Variants in RB1CC1 observed in about 807,000 individuals in gnomAD.
RB1CC1 encodes the protein RB1-inducible coiled-coil protein 1.
Under a neutral mutation model 177.5 loss-of-function variants are expected in RB1CC1, and 46 were observed. The ratio of observed to expected loss-of-function variants is 0.26; its 90% CI spans 0.20 to 0.33. The LOEUF is 0.33. Among genes scored for constraint, RB1CC1 ranks in the 10% least tolerant of loss-of-function variants. The pLI, the probability that RB1CC1 is intolerant of heterozygous loss-of-function variation, is 1.00. For synonymous variants in RB1CC1, 666 were observed against 613.6 expected (o/e 1.09, Z -1.26); for missense variants, 1,703 against 1,816.3 (o/e 0.94, Z 1.13).
chr8:52,710,606 G>A (rs1856975773), intron 1 of RB1CC1, among the ~76,000 whole-genome samples: 1 of 151,970 alleles, frequency 6.6e-6, no homozygotes, highest in Admixed American at 6.6e-5. Context: ...TACACATTTT[G>A]GTGTCCCTAT....
chr8:52,699,825 AAAAAAATAT>A (rs1461850244), intron 1 of RB1CC1, among the ~76,000 whole-genome samples: 1 of 96,030 alleles, frequency 1.0e-5, no homozygotes, highest in Non-Finnish European at 2.2e-5. Flanking sequence ...AAAAAAAAAA[AAAAAAATAT>A]ATATATATAT....
chr8:52,670,127 C>G (rs905533400), intron 7 of RB1CC1, among the ~76,000 whole-genome samples: 2 of 152,066 alleles, frequency 1.3e-5, no homozygotes, highest in Non-Finnish European at 2.9e-5. Context: ...ACATGGGTAT[C>G]GCCCTGTTAC....
Position 52,661,666 on chromosome 8 carries a change from T to C in RB1CC1, c.1227A>G (p.Leu409=). ...TTGCGTGACTCAGGCATAAATCAGG[T>C]AATACAGATGCATCCTTTAAGTTTT... ...RAENLKDASV[L]PDLCLSHANQ... is the part of the protein sequence containing the mutation. The change falls in exon 9 of 24, where the codon TTA becomes TTG. Residue 409 remains leucine (L), a synonymous_variant. Transcript: ENST00000025008. 6.2e-7 allele frequency: 1 copy of C among 1,610,738 alleles called. No individual in the cohort carries two copies. Among genetic ancestry groups the C allele is most frequent in the Non-Finnish European group, 8.5e-7 (1 of 1,178,978 alleles).
At chr8:52,689,911 G>A (rs767210404) in intron 1 of RB1CC1, among the ~76,000 whole-genome samples, 15 of 151,848 alleles carry the variant, frequency 9.9e-5, no homozygotes, top group Non-Finnish European at 1.9e-4. Context: ...CAGCCTAGGC[G>A]ACAGAGCCAG....
intron 5 of RB1CC1, among the ~76,000 whole-genome samples, chr8:52,678,065 A>G (rs183268320): frequency 1.1e-4 from 16 of 152,206 alleles, no homozygotes; most frequent in Admixed American, 3.3e-4. Flanking sequence ...GTTTACTAGG[A>G]AAATAAATTT....
intron 22 of RB1CC1, among the ~76,000 whole-genome samples, chr8:52,625,773 G>A (rs1284752227): frequency 3.9e-5 from 6 of 152,244 alleles, no homozygotes; most frequent in South Asian, 2.1e-4. Context: ...TGTGGATACC[G>A]AAAGTAGGGT....
chr8:52,643,040 G>A (rs1849710782), intron 16 of RB1CC1: 1 of 368,304 alleles, frequency 2.7e-6, no homozygotes, highest in Non-Finnish European at 4.5e-6. Flanking sequence ...TCTTATTATT[G>A]TCCATATATT....
At chr8:52,691,578 T>C (rs1473191015) in intron 1 of RB1CC1, among the ~76,000 whole-genome samples, 2 of 152,228 alleles carry the variant, frequency 1.3e-5, no homozygotes, top group Non-Finnish European at 2.9e-5. Flanking sequence ...AACCTAAAAT[T>C]TGACTCCAGT....
At position 52,676,504 on chromosome 8, in the gene RB1CC1, T is replaced by G; in HGVS notation, c.437A>C (p.Gln146Pro). Residue 146 changes from glutamine to proline, a missense_variant, in exon 6 of 24, where the codon CAA becomes CCA. Physicochemically the swap from Gln to Pro is moderately conservative, Grantham distance 76. Around this residue, in one of 6 missense-constraint regions of RB1CC1, gnomAD observed 315 missense variants for 304.9 expected, o/e 1.03. Coordinates refer to ENST00000025008, the MANE Select transcript of RB1CC1 (RefSeq NM_014781.5). ...CEGLVHDEHLQHQGWAAIMAN... is the reference protein window; with the variant it reads ...CEGLVHDEHLPHQGWAAIMAN... ...CATGATTGCAGCCCAGCCTTGGTGTTGAAGATGTTCATCATGTACAAGACC... is the reference window on the plus strand; with the variant it reads ...CATGATTGCAGCCCAGCCTTGGTGTGGAAGATGTTCATCATGTACAAGACC... 1 of 1,613,708 alleles carries G rather than the reference T, an allele frequency of 6.2e-7. No individual in the cohort carries two copies. The highest frequency in any genetic ancestry group is 8.5e-7 in the Non-Finnish European group (1 of 1,179,864).
At chr8:52,691,794 C>T (rs767659574) in intron 1 of RB1CC1, among the ~76,000 whole-genome samples, 3 of 152,224 alleles carry the variant, frequency 2.0e-5, no homozygotes, top group Admixed American at 2.0e-4. Context: ...CACAAGGCAT[C>T]ATTTCCCATG....
intron 5 of RB1CC1, among the ~76,000 whole-genome samples, chr8:52,677,855 GAA>G (rs1272457239): frequency 8.5e-5 from 13 of 152,106 alleles, no homozygotes; most frequent in African/African-American, 3.1e-4. Context: ...TTAAACAGAT[GAA>G]AGAGAGGTGA....
Position 52,685,437 on chromosome 8 carries a change from TC to T in RB1CC1, c.32del (p.Gly11GlufsTer4). On this transcript the variant is annotated frameshift_variant, in exon 3 of 24. Transcript: ENST00000025008. LOFTEE classifies it high-confidence loss of function. The part of the protein sequence containing the change: MKLYVFLVNT[G>X]TTLTFDTELT... ...GTTCAGTGTCAAATGTTAGAGTAGTTCCAGTGTTAACCAGAAATACATATAA... is the reference window on the plus strand; with the variant it reads ...GTTCAGTGTCAAATGTTAGAGTAGTTCAGTGTTAACCAGAAATACATATAA... 6.2e-7 allele frequency: 1 copy of T among 1,600,836 alleles called. No homozygotes were observed. The highest frequency in any genetic ancestry group is 1.1e-5 in the South Asian group (1 of 89,938).
intron 16 of RB1CC1, among the ~76,000 whole-genome samples, chr8:52,643,646 A>T (rs1267899235): frequency 6.8e-6 from 1 of 147,198 alleles, no homozygotes; most frequent in Non-Finnish European, 1.5e-5. Flanking sequence ...CCATGATTGC[A>T]CCACTGAATT....
chr8:52,696,517 A>G (rs1259015381), intron 1 of RB1CC1, among the ~76,000 whole-genome samples: 3 of 152,198 alleles, frequency 2.0e-5, no homozygotes, highest in African/African-American at 7.2e-5. Flanking sequence ...AAAGGCTTCT[A>G]CTGGCTATGA....
At chr8:52,673,687 A>C (rs1022689159) in intron 7 of RB1CC1, among the ~76,000 whole-genome samples, 158 bp downstream of exon 7, 1 of 152,228 alleles carries the variant, frequency 6.6e-6, no homozygotes, top group Non-Finnish European at 1.5e-5. Flanking sequence ...AAATAAAATT[A>C]TGAATTAAAT....
At chr8:52,664,190 TA>T (rs762844390) in intron 8 of RB1CC1, among the ~76,000 whole-genome samples, 15 of 152,292 alleles carry the variant, frequency 9.8e-5, no homozygotes, top group Non-Finnish European at 1.9e-4. Context: ...CCCTTTTCTC[TA>T]ATGAGCTCAC....
At chr8:52,658,235 T>G (rs1851257599) in intron 13 of RB1CC1, 111 bp from the exon 14 acceptor site, 1 of 1,173,680 alleles carries the variant, frequency 8.5e-7, no homozygotes, top group Non-Finnish European at 1.2e-6. Context: ...TCATTCCTTT[T>G]TAAATTAATA....
chr8:52,640,148 T>C (rs1172030073), intron 18 of RB1CC1, among the ~76,000 whole-genome samples: 1 of 152,148 alleles, frequency 6.6e-6, no homozygotes, highest in East Asian at 1.9e-4. Flanking sequence ...TCAATTTTCA[T>C]ATTTATAAAA....
chr8:52,680,114 T>C (rs1563430292), intron 5 of RB1CC1, among the ~76,000 whole-genome samples: 1 of 151,862 alleles, frequency 6.6e-6, no homozygotes, highest in Non-Finnish European at 1.5e-5. Flanking sequence ...TAACATGAAA[T>C]CTACACTAAA....
Sources: gnomAD v4.1 joint callset for allele counts (sites outside exome capture counted in the v4.1 genomes callset) on GRCh38, gnomAD v4.1.1 for gene constraint, gnomAD v4.1.1 regional missense constraint, MANE v1.5 for transcripts, NCBI Gene and HGNC (gene_info 2026-07-23, HGNC 2026-07-21) for gene names.